TSC22D1: variants seen among roughly 807,000 people sequenced by gnomAD.
The protein encoded by TSC22D1 is TSC22 domain family member 1.
TSC22D1 carries 9 observed loss-of-function variants against 74.2 expected under a neutral mutation model. The ratio of observed to expected loss-of-function variants is 0.12; its 90% CI spans 0.07 to 0.21. The LOEUF is 0.21. TSC22D1 is among the 10% of genes least tolerant of loss of function. TSC22D1 has a pLI of 1.00. For synonymous variants in TSC22D1, 586 were observed against 492.5 expected (o/e 1.19, Z -2.51); for missense variants, 1,427 against 1,304.7 (o/e 1.09, Z -1.44).
chr13:44,492,402 T>C (rs1878768966), intron 1 of TSC22D1, among the ~76,000 whole-genome samples: 1 of 152,164 alleles, frequency 6.6e-6, no homozygotes, highest in African/African-American at 2.4e-5. Flanking sequence ...TTTGCACCAT[T>C]GTAAAGTTGG....
intron 1 of TSC22D1, among the ~76,000 whole-genome samples, chr13:44,519,722 T>G (rs772617812): frequency 6.6e-6 from 1 of 152,170 alleles, no homozygotes; most frequent in Non-Finnish European, 1.5e-5. Flanking sequence ...TTCTGGAGAA[T>G]GAATTTCATT....
intron 1 of TSC22D1, among the ~76,000 whole-genome samples, chr13:44,550,356 T>C (rs1464766879): frequency 9.2e-5 from 14 of 151,940 alleles, no homozygotes; most frequent in Non-Finnish European, 2.1e-4. Flanking sequence ...GCCGGGTGGG[T>C]GGATCACCTG....
intron 1 of TSC22D1, among the ~76,000 whole-genome samples, chr13:44,541,358 C>G (rs1478983263): frequency 6.6e-6 from 1 of 152,084 alleles, no homozygotes; most frequent in African/African-American, 2.4e-5. Context: ...GGGACATATC[C>G]AATTCTGTAC....
intron 1 of TSC22D1, among the ~76,000 whole-genome samples, chr13:44,508,027 C>G (rs971755501): frequency 6.6e-6 from 1 of 152,174 alleles, no homozygotes; most frequent in Non-Finnish European, 1.5e-5. Context: ...CCAGAACTCT[C>G]AAGTCTCATC....
intron 1 of TSC22D1, among the ~76,000 whole-genome samples, chr13:44,509,952 A>AAAAAAAAAAAAGAAAAAAAAC (rs1879627344): frequency 2.2e-5 from 1 of 45,258 alleles, no homozygotes; most frequent in African/African-American, 9.2e-5. Context: ...AAAATAAGCA[A>AAAAAAAAAAAAGAAAAAAAAC]AAAAAAAAAA....
rs148321770 is a variant in TSC22D1 at position 44,504,321 on chromosome 13, A to C, written c.2913-68226T>G. 6.7e-3 allele frequency among the ~76,000 whole-genome samples: 1,011 copies of C among 151,248 alleles called. 6 individuals carry two copies. Among genetic ancestry groups the C allele is most frequent in the Non-Finnish European group, 0.011 (722 of 67,822 alleles). ...TTAAAAGTCTCAAGTGACTCTCTTA[A>C]AAGTCACTGGGTGGGCCCAGTAGCT... On this transcript the variant is annotated intron_variant, in intron 1 of 2. Coordinates refer to ENST00000458659, the MANE Select transcript of TSC22D1 (RefSeq NM_183422.4).
intron 1 of TSC22D1, among the ~76,000 whole-genome samples, chr13:44,544,048 G>A (rs1163106450): frequency 6.6e-6 from 1 of 152,148 alleles, no homozygotes; most frequent in Non-Finnish European, 1.5e-5. Flanking sequence ...AGCTGAGACT[G>A]TGCCATTGCA....
At chr13:44,509,950 C>CAAAAAAAAAAAAAAAAAAAAAAGAAAA in intron 1 of TSC22D1, among the ~76,000 whole-genome samples, 1 of 51,426 alleles carries the variant, frequency 1.9e-5, no homozygotes, top group Non-Finnish European at 3.6e-5. Context: ...AGAAAATAAG[C>CAAAAAAAAAAAAAAAAAAAAAAGAAAA]AAAAAAAAAA....
Position 44,432,472 on chromosome 13 carries a change from G to A in TSC22D1, c.*2154C>T, listed in dbSNP as rs1336291255. 6.6e-6 allele frequency: 1 copy of A among 152,132 alleles called. No individual in the cohort carries two copies. The highest frequency in any genetic ancestry group is 1.5e-5 in the Non-Finnish European group (1 of 68,022). The allele number at this position is 152,132 out of a possible 1,614,324, so 9.4% of individuals were successfully genotyped here. On this transcript the variant is annotated 3_prime_UTR_variant, in exon 3 of 3. Transcript: ENST00000458659. The stretch of plus-strand genomic sequence containing the variant: ...ATATAACCAACAAGCCAATATGAAA[G>A]ATTTTTCTTTACGTCCTTTTCAAAT...
At chr13:44,439,073 G>C (rs1431590632) in intron 1 of TSC22D1, among the ~76,000 whole-genome samples, 2 of 152,154 alleles carry the variant, frequency 1.3e-5, no homozygotes, top group African/African-American at 4.8e-5. Context: ...ACAGAAAGCT[G>C]TTTTTATTTC....
At chr13:44,515,357 G>A (rs1331714707) in intron 1 of TSC22D1, among the ~76,000 whole-genome samples, 1 of 151,306 alleles carries the variant, frequency 6.6e-6, no homozygotes, top group African/African-American at 2.4e-5. Context: ...TGGAAAGATG[G>A]CCAAGAAATA....
chr13:44,512,999 C>G (rs923528421), intron 1 of TSC22D1, among the ~76,000 whole-genome samples: 1 of 152,214 alleles, frequency 6.6e-6, no homozygotes, highest in African/African-American at 2.4e-5. Flanking sequence ...CAGGTTAGCT[C>G]CTTCCTAAAT....
intron 1 of TSC22D1, among the ~76,000 whole-genome samples, chr13:44,477,726 T>G (rs919966938): frequency 1.4e-5 from 2 of 145,626 alleles, no homozygotes; most frequent in African/African-American, 5.0e-5. Context: ...CACTGCAACC[T>G]CCGCCTCCTG....
chr13:44,507,246 A>C (rs571872870), intron 1 of TSC22D1, among the ~76,000 whole-genome samples: 4 of 152,274 alleles, frequency 2.6e-5, no homozygotes, highest in East Asian at 3.9e-4. Context: ...TATGGGAGGA[A>C]GGGTTAACAG....
intron 1 of TSC22D1, chr13:44,436,323 G>A: frequency 1.0e-6 from 1 of 954,166 alleles, no homozygotes; most frequent in Non-Finnish European, 1.6e-6. Context: ...CATAATGTGG[G>A]GAAAGCCTGT....
At chr13:44,551,310 GGTGTGTGTGT>G (rs370742852) in intron 1 of TSC22D1, among the ~76,000 whole-genome samples, 17 of 132,858 alleles carry the variant, frequency 1.3e-4, no homozygotes, top group South Asian at 5.2e-4. Flanking sequence ...ATCAGCTGGG[GGTGTGTGTGT>G]GTGTGTGTGT....
chr13:44,526,568 A>G (rs1175919511), intron 1 of TSC22D1, among the ~76,000 whole-genome samples: 1 of 152,192 alleles, frequency 6.6e-6, no homozygotes, highest in Non-Finnish European at 1.5e-5. Flanking sequence ...ACAGAAAAGA[A>G]AGAGAGAAGG....
At chr13:44,443,268 A>G (rs1875356116) in intron 1 of TSC22D1, among the ~76,000 whole-genome samples, 1 of 151,974 alleles carries the variant, frequency 6.6e-6, no homozygotes. Flanking sequence ...GTTGGAAACA[A>G]TGCTAGCCAG....
chr13:44,541,675 T>C (rs1163692048), intron 1 of TSC22D1, among the ~76,000 whole-genome samples: 2 of 152,130 alleles, frequency 1.3e-5, no homozygotes, highest in Admixed American at 1.3e-4. Context: ...AGGTATATGA[T>C]GGATGATAAG....
Sources: allele counts gnomAD v4.1 joint callset (sites outside exome capture counted in the v4.1 genomes callset), GRCh38; gene constraint gnomAD v4.1.1; transcripts MANE v1.5; gene names NCBI Gene and HGNC (gene_info 2026-07-23, HGNC 2026-07-21).